LRRC53: variants seen among roughly 807,000 people sequenced by gnomAD.
LRRC53 encodes leucine rich repeat containing 53.
In LRRC53, 25 loss-of-function variants were observed where a neutral mutation model predicts 13.6. The observed-to-expected ratio is 1.83, with a 90% CI of 1.34 to 2.56. The LOEUF (loss-of-function observed/expected upper bound fraction) is 2.56. Among genes scored for constraint, LRRC53 ranks in the 30% most tolerant of loss-of-function variants. The pLI is 0.00. For synonymous variants in LRRC53, 204 were observed against 109.8 expected (o/e 1.86, Z -5.37); for missense variants, 527 against 275.8 (o/e 1.91, Z -6.45).
At chr1:74,512,665 C>T (rs1445231359), upstream of LRRC53, 1 of 152,238 alleles carries the variant, frequency 6.6e-6, no homozygotes, top group Non-Finnish European at 1.5e-5. Flanking sequence ...CCCACACCAC[C>T]CCCTCCTGGC....
intron 1 of LRRC53, among the ~76,000 whole-genome samples, chr1:74,505,628 G>A (rs1295153522): frequency 2.0e-5 from 3 of 151,804 alleles, no homozygotes; most frequent in Non-Finnish European, 4.4e-5. Context: ...AAATGGCATC[G>A]TTCTTCCTTT....
At chr1:74,473,848 A>G (rs532226298) in intron 4 of LRRC53, among the ~76,000 whole-genome samples, 2 of 152,302 alleles carry the variant, frequency 1.3e-5, no homozygotes, top group African/African-American at 4.8e-5. Flanking sequence ...CTGTGACTCA[A>G]AGATAAACAT....
At chr1:74,523,750 G>A in the LRRC53 span, among the ~76,000 whole-genome samples, 8 of 152,166 alleles carry the variant, frequency 5.3e-5, no homozygotes, top group Non-Finnish European at 1.2e-4. Flanking sequence ...TGGTCTTGGG[G>A]AAACAGTGCC....
In LRRC53 at chr1:74,489,239, C is replaced by A. The variant is rs2100292561; in HGVS notation, c.-26-5864G>T. On this transcript the variant is annotated intron_variant, in intron 1 of 4. Transcript: ENST00000294635. ...TCATGAAGTTAGAAGAGTGTCTCTGCAACATTGAGGTAAAAGCTTTAGCTT... is the reference window on the plus strand; with the variant it reads ...TCATGAAGTTAGAAGAGTGTCTCTGAAACATTGAGGTAAAAGCTTTAGCTT... 4 of 1,611,332 alleles carry A rather than the reference C, an allele frequency of 2.5e-6. No homozygotes were observed. Among genetic ancestry groups the A allele is most frequent in the Non-Finnish European group, 8.5e-7 (1 of 1,178,852 alleles).
Position 74,480,765 on chromosome 1 carries a change from G to A in LRRC53, c.292C>T (p.Leu98Phe), listed in dbSNP as rs533709048. The stretch of plus-strand genomic sequence containing the variant: ...AGCTTGCTGAAGGTGTGATCAGTGA[G>A]CGAAGAGCTGGATATTTGGTTGTGC... ...LEHNQISSSS[L>F]TDHTFSKLHS... is the part of the protein sequence containing the mutation. The change falls in exon 3 of 5, where the codon CTC (leucine) becomes TTC (phenylalanine). Residue 98 changes from leucine (L) to phenylalanine (F), a missense_variant. Leu to Phe is a conservative substitution (Grantham distance 22). Transcript: ENST00000294635. 4.2e-6 allele frequency: 3 copies of A among 717,526 alleles called. No homozygotes were observed. In the African/African-American group the frequency reaches 5.2e-5, roughly 13 times the overall value. 44.4% of individuals were successfully genotyped at this position (717,526 alleles called of 1,614,324 possible). A position where few individuals can be genotyped will look rare whatever the true frequency, so the allele number is the denominator to read the frequency against.
chr1:74,498,732 C>G (rs1669460892), intron 1 of LRRC53, among the ~76,000 whole-genome samples: 2 of 151,888 alleles, frequency 1.3e-5, no homozygotes, highest in Non-Finnish European at 2.9e-5. Context: ...AGTCTTCCCC[C>G]CGACTATTAG....
intron 1 of LRRC53, among the ~76,000 whole-genome samples, chr1:74,497,893 T>C (rs145435903): frequency 2.0e-5 from 3 of 152,302 alleles, no homozygotes; most frequent in African/African-American, 7.2e-5. Flanking sequence ...CACGTTTTCA[T>C]CATACGTTCC....
At chr1:74,510,502 C>T (rs1163396856) in intron 1 of LRRC53, among the ~76,000 whole-genome samples, 3 of 151,934 alleles carry the variant, frequency 2.0e-5, no homozygotes, top group South Asian at 2.1e-4. Context: ...AGTGAGACTC[C>T]GTCTCAAAAA....
At chr1:74,524,193 C>A in the LRRC53 span, among the ~76,000 whole-genome samples, 1 of 152,202 alleles carries the variant, frequency 6.6e-6, no homozygotes, top group African/African-American at 2.4e-5. Flanking sequence ...CACAGAGTAA[C>A]CATGTAGCAA....
intron 1 of LRRC53, among the ~76,000 whole-genome samples, chr1:74,500,536 G>A (rs1451320760): frequency 1.4e-5 from 2 of 139,670 alleles, no homozygotes; most frequent in African/African-American, 2.6e-5. Flanking sequence ...CCCGGGAGGC[G>A]GAGCTTGCAG....
the LRRC53 span, among the ~76,000 whole-genome samples, chr1:74,524,240 C>T: frequency 2.6e-5 from 4 of 152,194 alleles, no homozygotes; most frequent in African/African-American, 9.7e-5. Flanking sequence ...TCTGAAGAGT[C>T]TGTTGGGAAT....
the LRRC53 span, among the ~76,000 whole-genome samples, chr1:74,532,836 T>C: frequency 1.3e-4 from 20 of 152,258 alleles, no homozygotes; most frequent in Non-Finnish European, 2.2e-4. Context: ...ATTTAATAAA[T>C]GGTGCTGGGA....
Position 74,471,471 on chromosome 1 carries a change from T to G in LRRC53, c.2151A>C (p.Leu717Phe), listed in dbSNP as rs1484680271. Residue 717 changes from leucine (L) to phenylalanine (F), a missense_variant, in exon 5 of 5, where the codon TTA becomes TTC. Coordinates refer to ENST00000294635, the MANE Select transcript of LRRC53 (RefSeq NM_001382280.1). ...TTCTAAAAGGATGTAAATTTAATTT[T>G]AAGTTTTGTCCTTTAATTTTCCCTT... is the stretch of plus-strand genomic sequence containing the variant. ...DLKGKIKGQN[L>F]KLNLHPFRKV... is the part of the protein sequence containing the mutation. The G allele has an allele frequency of 5.0e-6, 2 of 400,588 alleles. No individual in the cohort carries two copies. The highest frequency in any genetic ancestry group is 8.8e-6 in the Non-Finnish European group (2 of 226,166). 24.8% of individuals were successfully genotyped at this position (400,588 alleles called of 1,614,324 possible).
At chr1:74,517,283 T>C (rs559878208), upstream of LRRC53, among the ~76,000 whole-genome samples, 3 of 152,328 alleles carry the variant, frequency 2.0e-5, no homozygotes, top group East Asian at 5.8e-4. Flanking sequence ...AGATAGTAAA[T>C]CAATGCCTCA....
chr1:74,516,541 G>A (rs11210473), upstream of LRRC53, among the ~76,000 whole-genome samples: 12,393 of 152,012 alleles, frequency 0.082, 1,116 homozygotes, highest in African/African-American at 0.22. Flanking sequence ...CTGCCTATAT[G>A]AGGCAGGGAG....
intron 3 of LRRC53, 34 bp from the exon 4 acceptor site, chr1:74,475,844 A>C: frequency 3.7e-6 from 2 of 543,214 alleles, no homozygotes; most frequent in Non-Finnish European, 6.7e-6. Context: ...AAAAGATAAC[A>C]TCTTGGGAAG....
Position 74,511,972 on chromosome 1 carries a change from T to C in LRRC53, c.-27+554A>G, listed in dbSNP as rs78630595. ...CAATAGAAGTAGAAATAAAAGAACATGGAGTCAAGTAAGTTCAGTACCCAA... is the reference window on the plus strand; with the variant it reads ...CAATAGAAGTAGAAATAAAAGAACACGGAGTCAAGTAAGTTCAGTACCCAA... On this transcript the variant is annotated intron_variant, in intron 1 of 4. Coordinates refer to ENST00000294635, the MANE Select transcript of LRRC53 (RefSeq NM_001382280.1). Among the ~76,000 whole-genome samples, 5 of 152,276 alleles carry C rather than the reference T, an allele frequency of 3.3e-5. No homozygotes were observed. The East Asian group carries it at 9.7e-4, about 29-fold the overall frequency.
rs1570682118 is a variant in LRRC53 at position 74,483,394 on chromosome 1, G to A, written c.-26-19C>T. The A allele has an allele frequency of 2.8e-6, 2 of 716,210 alleles. No homozygotes were observed. The highest frequency in any genetic ancestry group is 1.5e-5 in the South Asian group (1 of 67,502). 44.4% of individuals were successfully genotyped at this position (716,210 alleles called of 1,614,324 possible). A position where few individuals can be genotyped will look rare whatever the true frequency, so the allele number is the denominator to read the frequency against. ...CATCCACCTGAAAGGAAAGTAGAGG[G>A]CAATGTATATCATAATGTTGGCATT... On this transcript the variant is annotated intron_variant, in intron 1 of 4. Transcript: ENST00000294635.
chr1:74,481,602 C>A (rs1668507647), intron 2 of LRRC53, among the ~76,000 whole-genome samples: 1 of 152,152 alleles, frequency 6.6e-6, no homozygotes, highest in African/African-American at 2.4e-5. Flanking sequence ...GCCATCTTGG[C>A]CTCCTGTCTA....
Sources: gnomAD v4.1 joint callset for allele counts (sites outside exome capture counted in the v4.1 genomes callset) on GRCh38, gnomAD v4.1.1 for gene constraint, MANE v1.5 for transcripts, NCBI Gene and HGNC (gene_info 2026-07-23, HGNC 2026-07-21) for gene names.